The following STX18 variants were observed in gnomAD, a reference collection of about 807,000 sequenced individuals.
STX18 encodes syntaxin 18.
In STX18, 40 loss-of-function variants were observed where a neutral mutation model predicts 50.1. That is an observed-to-expected ratio of 0.80 (90% CI 0.62 to 1.04). The LOEUF (loss-of-function observed/expected upper bound fraction) is 1.04. Ranked by LOEUF, STX18 falls within the 50% of genes least tolerant of loss-of-function variation. The pLI is 0.00. For synonymous variants in STX18, 158 were observed against 151.8 expected (o/e 1.04, Z -0.30); for missense variants, 410 against 415.8 (o/e 0.99, Z 0.12).
At chr4:4,483,980 G>T (rs1728579646) in intron 1 of STX18, among the ~76,000 whole-genome samples, 1 of 152,070 alleles carries the variant, frequency 6.6e-6, no homozygotes, top group Non-Finnish European at 1.5e-5. Flanking sequence ...TCCTGCCTCA[G>T]CCTCCCGAGT....
intron 2 of STX18, among the ~76,000 whole-genome samples, chr4:4,462,570 C>CT (rs1286749634): frequency 6.6e-6 from 1 of 151,944 alleles, no homozygotes; most frequent in Non-Finnish European, 1.5e-5. Context: ...AGATAAAAGA[C>CT]TGAGTTTCTA....
At chr4:4,509,683 G>A (rs547188755) in intron 1 of STX18, among the ~76,000 whole-genome samples, 6 of 152,180 alleles carry the variant, frequency 3.9e-5, no homozygotes, top group South Asian at 2.1e-4. Flanking sequence ...AAAGTGTTAC[G>A]GGACAAAAAG....
intron 1 of STX18, among the ~76,000 whole-genome samples, chr4:4,540,512 C>T (rs1577417313): frequency 6.6e-6 from 1 of 152,342 alleles, no homozygotes; most frequent in South Asian, 2.1e-4. Flanking sequence ...AATCCTCTTT[C>T]AAGATTTGTT....
At chr4:4,456,671 G>A (rs1449596137) in intron 5 of STX18, among the ~76,000 whole-genome samples, 2 of 152,218 alleles carry the variant, frequency 1.3e-5, no homozygotes, top group African/African-American at 2.4e-5. Context: ...ATGTGGCATC[G>A]AGCAAGTCTG....
chr4:4,454,658 ATCTC>A (rs1726972047), intron 5 of STX18, among the ~76,000 whole-genome samples: 1 of 152,118 alleles, frequency 6.6e-6, no homozygotes, highest in African/African-American at 2.4e-5. Flanking sequence ...ACTGCTTTCT[ATCTC>A]TCTAATTCAC....
At chr4:4,428,491 G>T (rs1397393187) in intron 7 of STX18, among the ~76,000 whole-genome samples, 1 of 152,110 alleles carries the variant, frequency 6.6e-6, no homozygotes, top group Non-Finnish European at 1.5e-5. Context: ...ATACATGTGA[G>T]TTGTCTACCA....
chr4:4,452,232 T>G (rs1726791024), intron 5 of STX18, among the ~76,000 whole-genome samples: 1 of 152,078 alleles, frequency 6.6e-6, no homozygotes, highest in Non-Finnish European at 1.5e-5. Context: ...TCATGACATT[T>G]AAAAAAAGAA....
At chr4:4,449,631 G>A (rs1422819320) in intron 5 of STX18, among the ~76,000 whole-genome samples, 1 of 152,168 alleles carries the variant, frequency 6.6e-6, no homozygotes, top group Non-Finnish European at 1.5e-5. Context: ...CATCCTATTA[G>A]GTTGTGTGTG....
intron 1 of STX18, among the ~76,000 whole-genome samples, chr4:4,524,842 G>A (rs1730676002): frequency 6.6e-6 from 1 of 152,192 alleles, no homozygotes; most frequent in African/African-American, 2.4e-5. Flanking sequence ...GATAAAGCAA[G>A]TTAGTGTTTA....
At chr4:4,508,265 C>G (rs949029045) in intron 1 of STX18, among the ~76,000 whole-genome samples, 3 of 152,086 alleles carry the variant, frequency 2.0e-5, no homozygotes, top group African/African-American at 7.2e-5. Flanking sequence ...ATATGTGGAC[C>G]TCACCACATA....
At chr4:4,445,394 G>A (rs1726338871) in intron 5 of STX18, among the ~76,000 whole-genome samples, 4 of 151,098 alleles carry the variant, frequency 2.6e-5, no homozygotes, top group Non-Finnish European at 5.9e-5. Flanking sequence ...CAACAAGAAC[G>A]AAACTACGTC....
rs1728817666 is a variant in STX18, at chr4:4,489,016, C to T, written c.169-17310G>A. ...CAACTGCTTTGTTATCATTCAAACC[C>T]CAAAAGTAGAAATGTTTTTGCTTTA... On this transcript the variant is annotated intron_variant, in intron 1 of 10. Coordinates refer to ENST00000306200, the MANE Select transcript of STX18 (RefSeq NM_016930.4). 2.0e-5 allele frequency among the ~76,000 whole-genome samples: 3 copies of T among 152,100 alleles called. No individual in the cohort carries two copies. The South Asian group carries it at 6.2e-4, about 32-fold the overall frequency.
At chr4:4,433,607 G>A (rs1172511101) in intron 7 of STX18, among the ~76,000 whole-genome samples, 1 of 151,598 alleles carries the variant, frequency 6.6e-6, no homozygotes, top group Admixed American at 6.6e-5. Context: ...ACAAGATTCT[G>A]CTCTCACAGA....
intron 7 of STX18, among the ~76,000 whole-genome samples, chr4:4,431,523 G>A (rs372670079): frequency 9.1e-4 from 138 of 151,970 alleles, no homozygotes; most frequent in African/African-American, 2.8e-3. Flanking sequence ...CTCCTTTCTC[G>A]CTGTTCATCA....
intron 1 of STX18, among the ~76,000 whole-genome samples, chr4:4,528,052 A>G (rs976345001): frequency 6.6e-6 from 1 of 151,930 alleles, no homozygotes; most frequent in Non-Finnish European, 1.5e-5. Context: ...AACCCCCAGG[A>G]TGCTAGACTT....
intron 5 of STX18, 128 bp from the exon 6 acceptor site, chr4:4,438,637 T>C: frequency 1.4e-6 from 1 of 698,822 alleles, no homozygotes. Context: ...AGTCACTGCC[T>C]CTGGGCCCAG....
At chr4:4,486,487 A>T (rs1354415815) in intron 1 of STX18, among the ~76,000 whole-genome samples, 1 of 152,250 alleles carries the variant, frequency 6.6e-6, no homozygotes. Context: ...ATCACCGCAA[A>T]CACTATTATA....
chr4:4,507,857 C>T, intron 1 of STX18: 1 of 615,004 alleles, frequency 1.6e-6, no homozygotes, highest in Non-Finnish European at 2.7e-6. Context: ...CGGCAGCTAG[C>T]TAGAAAAATA....
chr4:4,498,467 C>A (rs530166060), intron 1 of STX18, among the ~76,000 whole-genome samples: 2 of 152,296 alleles, frequency 1.3e-5, no homozygotes, highest in African/African-American at 4.8e-5. Flanking sequence ...TATCTTCAAT[C>A]CTCAGCCCAA....
Sources: allele counts gnomAD v4.1 joint callset (sites outside exome capture counted in the v4.1 genomes callset), GRCh38; gene constraint gnomAD v4.1.1; transcripts MANE v1.5; gene names NCBI Gene and HGNC (gene_info 2026-07-23, HGNC 2026-07-21).